Variants in TDRD12 observed in about 807,000 individuals in gnomAD.
The protein encoded by TDRD12 is putative ATP-dependent RNA helicase TDRD12.
A neutral mutation model predicts 133.5 loss-of-function variants in TDRD12; 158 were observed. That is an observed-to-expected ratio of 1.18 (90% CI 1.04 to 1.35). The LOEUF is 1.35. Among genes scored for constraint, TDRD12 ranks in the 40% most tolerant of loss-of-function variants. The pLI, the probability that TDRD12 is intolerant of heterozygous loss-of-function variation, is 0.00. For missense variants in TDRD12, 1,443 were observed against 1,321.3 expected (o/e 1.09, Z -1.43); for synonymous variants, 460 against 477.9 (o/e 0.96, Z 0.49).
chr19:32,722,167 T>C (rs548848864), intron 1 of TDRD12, among the ~76,000 whole-genome samples: 3 of 152,244 alleles, frequency 2.0e-5, no homozygotes, highest in Admixed American at 2.0e-4. Flanking sequence ...GGCGAGCTCC[T>C]CTCCTCCAGT....
downstream of TDRD12, among the ~76,000 whole-genome samples, chr19:32,822,524 G>C (rs1000598378): frequency 1.3e-5 from 2 of 152,212 alleles, no homozygotes; most frequent in Non-Finnish European, 2.9e-5. Context: ...AGGACGGGCA[G>C]ATCGTGAGGT....
chr19:32,763,197 C>G (rs1970199768), intron 8 of TDRD12, among the ~76,000 whole-genome samples: 1 of 152,072 alleles, frequency 6.6e-6, no homozygotes, highest in East Asian at 1.9e-4. Flanking sequence ...ATTTATTGCC[C>G]TTGTTTTTTT....
At chr19:32,828,205 G>A (rs1967651951) in exon 10 of TDRD12, 1 of 152,180 alleles carries the variant, frequency 6.6e-6, no homozygotes, top group Non-Finnish European at 1.5e-5. Flanking sequence ...GGCCTTTCCG[G>A]GGTGAAGCTG....
At position 32,773,176 on chromosome 19, in the gene TDRD12, G is replaced by A. The variant is rs192107095; in HGVS notation, c.964-280G>A. Among the ~76,000 whole-genome samples, 83 of 152,280 alleles carry A rather than the reference G, an allele frequency of 5.5e-4. 1 individual carries two copies. The highest frequency in any genetic ancestry group is 6.8e-3 in the Middle Eastern group (2 of 294). The stretch of plus-strand genomic sequence containing the variant: ...GAAGTGCAAGTCTAATCTGCTCTCC[G>A]TCCCTTTGACAAGACAGGTTGAAAG... On this transcript the variant is annotated intron_variant, in intron 9 of 27. Transcript: ENST00000444215.
chr19:32,800,373 A>T lies in TDRD12; in HGVS notation c.1950+15A>T, dbSNP rs1375506709. ...ATGTCCAACAGGTAACTTTGTGTGT[A>T]TGTGTATGTGTATGTGTGTGTGTGT... On this transcript the variant is annotated intron_variant, in intron 17 of 27. Coordinates refer to ENST00000444215, the Ensembl canonical transcript of TDRD12. 16 of 1,461,540 alleles carry T rather than the reference A, an allele frequency of 1.1e-5. No individual in the cohort carries two copies. Among genetic ancestry groups the T allele is most frequent in the African/African-American group, 1.4e-5 (1 of 70,538 alleles). The allele number at this position is 1,461,540 out of a possible 1,614,324, so 90.5% of individuals were successfully genotyped here. A position where few individuals can be genotyped will look rare whatever the true frequency, so the allele number is the denominator to read the frequency against.
intron 8 of TDRD12, among the ~76,000 whole-genome samples, chr19:32,763,715 T>C (rs1472480491): frequency 6.6e-6 from 1 of 152,228 alleles, no homozygotes; most frequent in Non-Finnish European, 1.5e-5. Context: ...ACCCAGCCCC[T>C]GACCCCGGAG....
At chr19:32,801,636 C>T (rs1190509835) in intron 18 of TDRD12, 120 bp from the exon 19 acceptor site, 1 of 391,500 alleles carries the variant, frequency 2.6e-6, no homozygotes, top group Non-Finnish European at 4.6e-6. Flanking sequence ...ATTATGGGAT[C>T]AGTGAGGTAG....
At chr19:32,794,092 C>CTTTTTT (rs751938374) in intron 13 of TDRD12, among the ~76,000 whole-genome samples, 2 of 49,858 alleles carry the variant, frequency 4.0e-5, no homozygotes, top group Non-Finnish European at 6.8e-5. Context: ...CTGTGCCTGG[C>CTTTTTT]TTTTTTTTTT....
In TDRD12 at chr19:32,743,899, G is replaced by C. The variant is rs187408017; in HGVS notation, c.440+999G>C. Reference sequence around the variant, plus strand: ...CAAAATTAGCCTGGCGTGGTGGTAGGCATCTGTAATCCCAGCTACTCAGGA... The same window carrying C: ...CAAAATTAGCCTGGCGTGGTGGTAGCCATCTGTAATCCCAGCTACTCAGGA... On this transcript the variant is annotated intron_variant, in intron 4 of 27. Transcript: ENST00000444215. 4.6e-5 allele frequency among the ~76,000 whole-genome samples: 7 copies of C among 151,742 alleles called. No homozygotes were observed. In the East Asian group the frequency reaches 1.4e-3, roughly 30 times the overall value.
At position 32,770,554 on chromosome 19, in the gene TDRD12, G is replaced by A. The variant is rs193061166; in HGVS notation, c.866-2199G>A. On this transcript the variant is annotated intron_variant, in intron 8 of 27. Coordinates refer to ENST00000444215, the Ensembl canonical transcript of TDRD12. ...AAACTCCTCTTTTCATTTCTGTTCTGTTTTCTAAAATTTTAATTTAACTTG... is the reference window on the plus strand; with the variant it reads ...AAACTCCTCTTTTCATTTCTGTTCTATTTTCTAAAATTTTAATTTAACTTG... Among the ~76,000 whole-genome samples, 413 of 152,002 alleles carry A rather than the reference G, an allele frequency of 2.7e-3. 2 individuals are homozygous for A. The highest frequency in any genetic ancestry group is 9.7e-3 in the African/African-American group (402 of 41,458).
At chr19:32,800,209 G>A (rs892503341) in exon 17 of TDRD12, 1 of 1,524,208 alleles carries the variant, frequency 6.6e-7, no homozygotes, top group African/African-American at 1.4e-5. Flanking sequence ...TATTGAAGTT[G>A]AAGAAAGGGA....
At chr19:32,825,122 A>G (rs1967545446), downstream of TDRD12, among the ~76,000 whole-genome samples, 1 of 152,052 alleles carries the variant, frequency 6.6e-6, no homozygotes, top group Non-Finnish European at 1.5e-5. The surrounding 1 kb of genome is among the most constrained non-coding windows in gnomAD (Gnocchi z 4.1). Context: ...TGTGCTCTCC[A>G]AGGTTCTTGA....
exon 23 of TDRD12, chr19:32,810,144 G>A (rs1333116842): frequency 2.0e-5 from 31 of 1,533,898 alleles, no homozygotes; most frequent in Non-Finnish European, 2.7e-5. Context: ...CCGTATAGTT[G>A]ATAAACACAT....
chr19:32,756,626 G>A (rs1183602990), intron 7 of TDRD12, among the ~76,000 whole-genome samples: 1 of 152,122 alleles, frequency 6.6e-6, no homozygotes, highest in Non-Finnish European at 1.5e-5. Flanking sequence ...CTGACCTCAT[G>A]ATCCGCCTGT....
intron 9 of TDRD12, among the ~76,000 whole-genome samples, chr19:32,773,234 G>A (rs1346491305): frequency 6.6e-6 from 1 of 152,184 alleles, no homozygotes; most frequent in Non-Finnish European, 1.5e-5. Context: ...CTGACGATCT[G>A]GAATGCCAGC....
intron 3 of TDRD12, among the ~76,000 whole-genome samples, chr19:32,740,321 C>T (rs1969381317): frequency 7.6e-6 from 1 of 132,274 alleles, no homozygotes; most frequent in East Asian, 2.5e-4. Context: ...CTCCTGGGTA[C>T]TCTCTGCATC....
chr19:32,720,056 C>G, exon 1 of TDRD12: 3 of 1,548,248 alleles, frequency 1.9e-6, no homozygotes, highest in Non-Finnish European at 2.6e-6. Context: ...GCCCATCTGC[C>G]CTCGGGCGCC....
rs538162412 is a variant in TDRD12 at position 32,770,577 on chromosome 19, T to C, written c.866-2176T>C. On this transcript the variant is annotated intron_variant, in intron 8 of 27. Coordinates refer to ENST00000444215, the Ensembl canonical transcript of TDRD12. ...CTGTTTTCTAAAATTTTAATTTAAC[T>C]TGTTTTGTAAATGCATTTTGCACTC... Among the ~76,000 whole-genome samples, 426 of 152,344 alleles carry C rather than the reference T, an allele frequency of 2.8e-3. 2 individuals are homozygous for C. The highest frequency in any genetic ancestry group is 1.0e-2 in the African/African-American group (414 of 41,572).
chr19:32,796,756 G>A (rs893194763), intron 14 of TDRD12, among the ~76,000 whole-genome samples: 2 of 152,102 alleles, frequency 1.3e-5, no homozygotes, highest in Admixed American at 6.6e-5. Context: ...TCCAGGTCTC[G>A]TCCCTGTGGC....
Sources: allele counts gnomAD v4.1 joint callset (sites outside exome capture counted in the v4.1 genomes callset), GRCh38; gene constraint gnomAD v4.1.1; non-coding constraint Gnocchi (gnomAD v3.1); transcripts MANE v1.5; gene names NCBI Gene and HGNC (gene_info 2026-07-23, HGNC 2026-07-21).